MYO18B: variants seen among roughly 807,000 people sequenced by gnomAD.
MYO18B encodes unconventional myosin-XVIIIb.
MYO18B carries 204 observed loss-of-function variants against 273.0 expected under a neutral mutation model. That is an observed-to-expected ratio of 0.75 (90% confidence interval 0.67 to 0.84). The LOEUF (loss-of-function observed/expected upper bound fraction) is 0.84. MYO18B is among the 40% of genes least tolerant of loss of function. The probability of loss-of-function intolerance (pLI) is 0.00; values close to 1 mark genes in which losing one functional copy is unlikely to be tolerated. For missense variants in MYO18B, 3,212 were observed against 3,287.6 expected (o/e 0.98, Z 0.56); for synonymous variants, 1,330 against 1,305.7 (o/e 1.02, Z -0.40).
chr22:25,769,150 A>T lies in MYO18B; in HGVS notation c.1234A>T (p.Thr412Ser), dbSNP rs1303578159. Reference protein sequence around the residue: ...SGNAGEARSQTEKGCEAPKEV... With the variant: ...SGNAGEARSQSEKGCEAPKEV... ...GAACGCAGGTGAAGCTCGGAGTCAG[A>T]CAGAGAAGGGCTGTGAAGCCCCAAA... Residue 412 changes from threonine (T) to serine (S), a missense_variant, in exon 4 of 44, where the codon ACA becomes TCA. Thr to Ser is a moderately conservative substitution (Grantham distance 58). Transcript: ENST00000335473. 1 of 1,613,446 alleles carries T rather than the reference A, an allele frequency of 6.2e-7. No individual in the cohort carries two copies. Among genetic ancestry groups the T allele is most frequent in the South Asian group, 1.1e-5 (1 of 90,864 alleles).
chr22:25,914,684 C>CTTT (rs1218894720), intron 33 of MYO18B, among the ~76,000 whole-genome samples: 24 of 37,730 alleles, frequency 6.4e-4, no homozygotes, highest in Non-Finnish European at 1.1e-3. Flanking sequence ...ATAGTTTTGA[C>CTTT]TCTTTTTTTT....
At chr22:26,059,484 G>A in the MYO18B span, among the ~76,000 whole-genome samples, 1 of 152,184 alleles carries the variant, frequency 6.6e-6, no homozygotes, top group African/African-American at 2.4e-5. Flanking sequence ...TGTTCATCAA[G>A]GGAGAAATTC....
At chr22:25,884,032 A>G (rs555208425) in intron 25 of MYO18B, among the ~76,000 whole-genome samples, 12 of 152,206 alleles carry the variant, frequency 7.9e-5, no homozygotes, top group Admixed American at 7.8e-4. Flanking sequence ...CCTCTCTGGA[A>G]TAGGTTCTGG....
downstream of MYO18B, among the ~76,000 whole-genome samples, chr22:26,035,452 G>A (rs536282584): frequency 8.5e-5 from 13 of 152,314 alleles, no homozygotes; most frequent in East Asian, 5.8e-4. Context: ...AATTGGGGCT[G>A]GCAGTGGTGA....
chr22:25,912,415 C>T (rs890867941), intron 33 of MYO18B, among the ~76,000 whole-genome samples: 3 of 152,108 alleles, frequency 2.0e-5, no homozygotes, highest in African/African-American at 7.2e-5. Flanking sequence ...TCTGAGAAAA[C>T]AGAATAGATA....
At chr22:26,007,515 C>T (rs999757656) in intron 42 of MYO18B, among the ~76,000 whole-genome samples, 1 of 152,200 alleles carries the variant, frequency 6.6e-6, no homozygotes, top group Non-Finnish European at 1.5e-5. Context: ...TTTATTAGTA[C>T]TAAAACTGCC....
intron 34 of MYO18B, among the ~76,000 whole-genome samples, chr22:25,932,357 CCTTTCTTT>C (rs1184705304): frequency 6.6e-6 from 1 of 150,850 alleles, no homozygotes; most frequent in African/African-American, 2.4e-5. Context: ...TTCTTTCTTC[CCTTTCTTT>C]CTTTCCTTCT....
intron 12 of MYO18B, among the ~76,000 whole-genome samples, chr22:25,816,409 A>G (rs1319485768): frequency 1.3e-5 from 2 of 152,086 alleles, no homozygotes; most frequent in Non-Finnish European, 2.9e-5. Flanking sequence ...GGTTTGTTAC[A>G]TAGGTATACA....
At chr22:25,774,392 G>A (rs976606827) in intron 7 of MYO18B, among the ~76,000 whole-genome samples, 3 of 152,192 alleles carry the variant, frequency 2.0e-5, no homozygotes, top group South Asian at 2.1e-4. Flanking sequence ...CCACATTGCC[G>A]AGGGACTCCT....
intron 11 of MYO18B, among the ~76,000 whole-genome samples, chr22:25,796,851 TC>T (rs1490891247): frequency 6.6e-6 from 1 of 152,218 alleles, no homozygotes; most frequent in Non-Finnish European, 1.5e-5. Context: ...CCCTTTAGTA[TC>T]ATGGTTGAGG....
At position 25,846,111 on chromosome 22, in the gene MYO18B, G is replaced by A. The variant is rs773077382; in HGVS notation, c.3380G>A (p.Arg1127Gln). The A allele has an allele frequency of 6.4e-6, 10 of 1,570,202 alleles. No individual in the cohort carries two copies. Among genetic ancestry groups the A allele is most frequent in the African/African-American group, 2.7e-5 (2 of 73,248 alleles). Residue 1127 changes from arginine to glutamine, a missense_variant, in exon 19 of 44, where the codon CGG (arginine) becomes CAG (glutamine). Arg to Gln is a conservative substitution (Grantham distance 43, BLOSUM62 1). Transcript: ENST00000335473. ...CTCCTCCCCACCAGAGAGGAGCTGC[G>A]GAGTCTATTCCAGGCCCGGGCCAAG... ...VLHQSKREEL[R>Q]SLFQARAKLP...
intron 34 of MYO18B, among the ~76,000 whole-genome samples, chr22:25,940,632 T>TC (rs1555956449): frequency 1.3e-5 from 2 of 152,026 alleles, no homozygotes; most frequent in African/African-American, 2.4e-5. Flanking sequence ...ATGTTAAACA[T>TC]CCCCCCGGTG....
chr22:26,042,962 C>A, the MYO18B span, among the ~76,000 whole-genome samples: 2 of 152,086 alleles, frequency 1.3e-5, no homozygotes, highest in East Asian at 1.9e-4. Context: ...ATTGCTGAGA[C>A]CTAAAGTGTG....
chr22:25,784,556 A>G (rs2087298043), intron 10 of MYO18B, among the ~76,000 whole-genome samples: 1 of 152,200 alleles, frequency 6.6e-6, no homozygotes, highest in African/African-American at 2.4e-5. Context: ...TCTGTAGAGA[A>G]TCCAGGGAGA....
chr22:25,960,651 G>A (rs965871089), intron 39 of MYO18B, among the ~76,000 whole-genome samples: 1 of 152,068 alleles, frequency 6.6e-6, no homozygotes, highest in Non-Finnish European at 1.5e-5. Flanking sequence ...GGTCAGACCC[G>A]CTGATTTTAC....
chr22:25,858,252 C>T (rs1277792438), intron 21 of MYO18B, among the ~76,000 whole-genome samples: 2 of 152,180 alleles, frequency 1.3e-5, no homozygotes, highest in East Asian at 1.9e-4. Flanking sequence ...GCCCTTGATA[C>T]TTGATAGCTG....
At position 25,950,528 on chromosome 22, in the gene MYO18B, G is replaced by A. The variant is rs6004852; in HGVS notation, c.5832+78G>A. ...GACAGAACTAATAGGATGTGTGTGTGTGTGTGTGTGTGTGTGTGTGTGTAT... is the reference window on the plus strand; with the variant it reads ...GACAGAACTAATAGGATGTGTGTGTATGTGTGTGTGTGTGTGTGTGTGTAT... On this transcript the variant is annotated intron_variant, in intron 37 of 43. Transcript: ENST00000335473. 0.2 allele frequency: 41,834 copies of A among 204,340 alleles called. 5,050 individuals are homozygous for A. The highest frequency in any genetic ancestry group is 0.3 in the Non-Finnish European group (33,607 of 112,364). The allele number at this position is 204,340 out of a possible 1,614,324, so 12.7% of individuals were successfully genotyped here.
chr22:25,895,178 CGACT>C lies in MYO18B; in HGVS notation c.4568_4571del (p.Asp1523ValfsTer24). On this transcript the variant is annotated frameshift_variant, in exon 28 of 44. Transcript: ENST00000335473. LOFTEE classifies it high-confidence loss of function. Reference sequence around the variant, plus strand: ...CAGCAGACGAGTGGCAGATGCGCTTCGACTGTGCTCAGATGGAGAACGAGTTCCT... The same window carrying C: ...CAGCAGACGAGTGGCAGATGCGCTTCGTGCTCAGATGGAGAACGAGTTCCT... 6.2e-7 allele frequency: 1 copy of C among 1,612,312 alleles called. No individual in the cohort carries two copies. The highest frequency in any genetic ancestry group is 8.5e-7 in the Non-Finnish European group (1 of 1,179,272).
intron 15 of MYO18B, 35 bp downstream of exon 15, chr22:25,829,003 C>A (rs367938563): frequency 1.0e-4 from 160 of 1,604,302 alleles, no homozygotes; most frequent in Non-Finnish European, 1.3e-4. Flanking sequence ...TTCACCAGAG[C>A]TCCGTGGATG....
Sources: gnomAD v4.1 joint callset for allele counts (sites outside exome capture counted in the v4.1 genomes callset) on GRCh38, gnomAD v4.1.1 for gene constraint, MANE v1.5 for transcripts, NCBI Gene and HGNC (gene_info 2026-07-23, HGNC 2026-07-21) for gene names.